MORC1: variants seen among roughly 807,000 people sequenced by gnomAD.
MORC1 encodes the protein MORC family CW-type zinc finger 1.
A neutral mutation model predicts 134.9 loss-of-function variants in MORC1; 59 were observed. The ratio of observed to expected loss-of-function variants is 0.44; its 90% CI spans 0.35 to 0.54. The LOEUF (loss-of-function observed/expected upper bound fraction) is 0.54. Among genes scored for constraint, MORC1 ranks in the 20% least tolerant of loss-of-function variants. MORC1 has a pLI of 0.00. For missense variants in MORC1, 947 were observed against 1,134.5 expected, an observed-to-expected ratio of 0.83 and a Z score of 2.37; for synonymous variants, 395 against 391.7, an observed-to-expected ratio of 1.01 and a Z score of -0.10.
chr3:109,020,022 T>C (rs1014534910), intron 17 of MORC1, among the ~76,000 whole-genome samples: 3 of 152,214 alleles, frequency 2.0e-5, no homozygotes, highest in African/African-American at 7.2e-5. Context: ...ATGAAGTATA[T>C]GTAGCTTAAG....
intron 3 of MORC1, among the ~76,000 whole-genome samples, chr3:109,104,673 T>C (rs1415288433): frequency 6.6e-6 from 1 of 151,882 alleles, no homozygotes; most frequent in Non-Finnish European, 1.5e-5. Flanking sequence ...AATAAATTAA[T>C]AAAGTTAAAG....
chr3:109,028,802 C>A (rs1246676666), intron 16 of MORC1, among the ~76,000 whole-genome samples: 7 of 152,114 alleles, frequency 4.6e-5, no homozygotes, highest in Non-Finnish European at 1.0e-4. Context: ...TCCCACTGGG[C>A]ATAGCTTTGA....
At chr3:109,079,280 G>A (rs1005348706) in intron 8 of MORC1, among the ~76,000 whole-genome samples, 1 of 151,938 alleles carries the variant, frequency 6.6e-6, no homozygotes, top group African/African-American at 2.4e-5. Flanking sequence ...GATCTTGTTG[G>A]GTTTATCTGA....
chr3:108,997,861 G>GA (rs34822390), intron 21 of MORC1, among the ~76,000 whole-genome samples: 3,004 of 150,002 alleles, frequency 0.02, 54 homozygotes, highest in Middle Eastern at 0.051. Flanking sequence ...CCTTAATATG[G>GA]AAAAAAAAAT....
At chr3:109,059,397 T>G (rs1264018036) in intron 12 of MORC1, among the ~76,000 whole-genome samples, 1 of 152,148 alleles carries the variant, frequency 6.6e-6, no homozygotes, top group Non-Finnish European at 1.5e-5. Context: ...ATCTTAAATT[T>G]TAAGCTACTA....
chr3:109,067,041 A>T (rs945742069), intron 9 of MORC1, among the ~76,000 whole-genome samples: 19 of 152,212 alleles, frequency 1.2e-4, no homozygotes, highest in Non-Finnish European at 2.8e-4. Context: ...GCATATGGAA[A>T]GCATCCCTAA....
At chr3:109,061,845 A>C in intron 11 of MORC1, 143 bp downstream of exon 11, 1 of 763,324 alleles carries the variant, frequency 1.3e-6, no homozygotes, top group Admixed American at 2.2e-5. Context: ...TATTCTGTTT[A>C]CCTGAGTTAA....
In MORC1 at chr3:109,078,349, G is replaced by A. The variant is rs149756217; in HGVS notation, c.690-8592C>T. ...AGATATAATACAGGCTAGATTCTCT[G>A]ACCACCATACAATTAGAGCAACAAT... is the stretch of plus-strand genomic sequence containing the variant. On this transcript the variant is annotated intron_variant, in intron 8 of 27. Transcript: ENST00000232603. Among the ~76,000 whole-genome samples the A allele has an allele frequency of 5.1e-3, 782 of 152,004 alleles. 18 individuals are homozygous for A. The highest frequency in any genetic ancestry group is 0.018 in the African/African-American group (750 of 41,524).
intron 6 of MORC1, among the ~76,000 whole-genome samples, chr3:109,098,658 T>C (rs552865473): frequency 5.3e-4 from 81 of 152,286 alleles, no homozygotes; most frequent in African/African-American, 1.8e-3. Context: ...GATAATCTGG[T>C]AACAGTAGCC....
intron 13 of MORC1, 85 bp from the exon 14 acceptor site, chr3:109,054,967 T>G: frequency 1.6e-6 from 2 of 1,279,712 alleles, no homozygotes; most frequent in Non-Finnish European, 2.2e-6. Context: ...AAATCATTTT[T>G]TTTTTCAAAA....
At chr3:109,051,237 T>C (rs1216311227) in intron 14 of MORC1, among the ~76,000 whole-genome samples, 2 of 152,218 alleles carry the variant, frequency 1.3e-5, no homozygotes, top group Non-Finnish European at 2.9e-5. Flanking sequence ...ATTTCTCTTT[T>C]TGCTGATTCG....
At chr3:109,003,361 T>A (rs1276325667) in intron 20 of MORC1, among the ~76,000 whole-genome samples, 1 of 149,832 alleles carries the variant, frequency 6.7e-6, no homozygotes, top group Non-Finnish European at 1.5e-5. Flanking sequence ...TGTATATTGC[T>A]TCACATAGCT....
intron 12 of MORC1, among the ~76,000 whole-genome samples, chr3:109,058,505 T>A (rs1281711383): frequency 6.6e-6 from 1 of 152,078 alleles, no homozygotes; most frequent in Non-Finnish European, 1.5e-5. Flanking sequence ...ATAATTGACA[T>A]AATATACTTA....
chr3:109,104,866 A>AAC (rs5851642), intron 3 of MORC1, among the ~76,000 whole-genome samples: 67,675 of 149,142 alleles, frequency 0.45, 17,414 homozygotes, highest in East Asian at 0.78. Flanking sequence ...GACAAATTTT[A>AAC]ACACACACAC....
chr3:109,043,635 G>T lies in MORC1; in HGVS notation c.1331-8167C>A, dbSNP rs560106960. On this transcript the variant is annotated intron_variant, in intron 14 of 27. Transcript: ENST00000232603. ...ACAAAAGAGCCCTGCAGAAATTTAA[G>T]TTTGCTGTTGTCACGTATTTTTCCT... is the stretch of plus-strand genomic sequence containing the variant. 9.8e-4 allele frequency among the ~76,000 whole-genome samples: 149 copies of T among 151,914 alleles called. 1 individual carries two copies. Among genetic ancestry groups the T allele is most frequent in the Non-Finnish European group, 1.8e-3 (121 of 67,996 alleles).
intron 7 of MORC1, 41 bp from the exon 8 acceptor site, chr3:109,093,582 T>A (rs1285396260): frequency 7.4e-7 from 1 of 1,348,328 alleles, no homozygotes; most frequent in South Asian, 1.2e-5. Context: ...GTATTTTAAA[T>A]ACACTAAATG....
chr3:109,003,542 T>C (rs565178910), intron 20 of MORC1, among the ~76,000 whole-genome samples: 19 of 152,228 alleles, frequency 1.2e-4, no homozygotes, highest in African/African-American at 3.1e-4. Context: ...AACATATCTA[T>C]ACAATAAACT....
At chr3:109,055,909 A>C (rs1949949307) in intron 13 of MORC1, among the ~76,000 whole-genome samples, 2 of 152,170 alleles carry the variant, frequency 1.3e-5, no homozygotes, top group South Asian at 4.1e-4. Flanking sequence ...AAGGAAATGG[A>C]CCAGTTTTAA....
At chr3:108,973,169 C>T (rs890420394) in intron 24 of MORC1, among the ~76,000 whole-genome samples, 1 of 152,176 alleles carries the variant, frequency 6.6e-6, no homozygotes, top group African/African-American at 2.4e-5. Context: ...ATTAATTCCA[C>T]AGACATTCTT....
Sources: allele counts gnomAD v4.1 joint callset (sites outside exome capture counted in the v4.1 genomes callset), GRCh38; gene constraint gnomAD v4.1.1; transcripts MANE v1.5; gene names NCBI Gene and HGNC (gene_info 2026-07-23, HGNC 2026-07-21).